Variants in SLC35D2 observed in about 807,000 individuals in gnomAD.
SLC35D2 encodes the protein nucleotide sugar transporter SLC35D2.
A neutral mutation model predicts 41.8 loss-of-function variants in SLC35D2; 43 were observed. The ratio of observed to expected loss-of-function variants is 1.03; its 90% CI spans 0.81 to 1.33. The LOEUF (loss-of-function observed/expected upper bound fraction) is 1.33, where lower values mean the gene tolerates loss of function less well. Ranked by LOEUF, SLC35D2 falls within the 40% of genes most tolerant of loss-of-function variation. The probability of loss-of-function intolerance (pLI) is 0.00; values close to 1 mark genes in which losing one functional copy is unlikely to be tolerated. For synonymous variants in SLC35D2, 150 were observed against 163.9 expected (o/e 0.92, Z 0.65); for missense variants, 380 against 408.4 (o/e 0.93, Z 0.60).
At chr9:96,372,049 T>C (rs1830721608) in intron 1 of SLC35D2, among the ~76,000 whole-genome samples, 1 of 152,210 alleles carries the variant, frequency 6.6e-6, no homozygotes, top group Non-Finnish European at 1.5e-5. Context: ...ATTTCATACA[T>C]GCATGCTATG....
At chr9:96,330,330 C>T (rs1376777411) in intron 9 of SLC35D2, among the ~76,000 whole-genome samples, 1 of 152,188 alleles carries the variant, frequency 6.6e-6, no homozygotes, top group African/African-American at 2.4e-5. Context: ...CACACAGACA[C>T]CTAAAATAAA....
intron 1 of SLC35D2, among the ~76,000 whole-genome samples, chr9:96,371,819 C>T (rs1413176260): frequency 1.4e-5 from 2 of 143,908 alleles, no homozygotes; most frequent in African/African-American, 2.6e-5. Context: ...CTCCGCCTCC[C>T]GGGTTCACGC....
chr9:96,325,753 T>C (rs1828497588), intron 9 of SLC35D2, among the ~76,000 whole-genome samples: 1 of 152,184 alleles, frequency 6.6e-6, no homozygotes, highest in Non-Finnish European at 1.5e-5. Context: ...AACTCAACTC[T>C]AGCAAAGGGG....
At chr9:96,366,462 T>G (rs1204143672) in intron 2 of SLC35D2, among the ~76,000 whole-genome samples, 1 of 151,810 alleles carries the variant, frequency 6.6e-6, no homozygotes. Flanking sequence ...AGCCACTGGG[T>G]TAAAGAGTAA....
At chr9:96,377,957 G>C (rs776711665) in intron 1 of SLC35D2, among the ~76,000 whole-genome samples, 14 of 152,210 alleles carry the variant, frequency 9.2e-5, no homozygotes, top group Non-Finnish European at 1.8e-4. Flanking sequence ...GCTCCATCAA[G>C]GGGGGTGAAG....
intron 4 of SLC35D2, among the ~76,000 whole-genome samples, chr9:96,354,026 A>G (rs1829919322): frequency 6.6e-6 from 1 of 152,240 alleles, no homozygotes; most frequent in African/African-American, 2.4e-5. Flanking sequence ...CTTTATATTC[A>G]CACCTAAAGA....
chr9:96,357,589 T>A (rs768191919), intron 4 of SLC35D2: 2 of 152,156 alleles, frequency 1.3e-5, no homozygotes, highest in Non-Finnish European at 2.9e-5. Context: ...TGAAATGTAT[T>A]AAAGACCTGG....
At chr9:96,367,212 TCA>T (rs1830508846) in intron 2 of SLC35D2, among the ~76,000 whole-genome samples, 1 of 110,680 alleles carries the variant, frequency 9.0e-6, no homozygotes, top group Non-Finnish European at 1.7e-5. Context: ...AGGCTGAGAC[TCA>T]GTCACAAAAA....
intron 6 of SLC35D2, among the ~76,000 whole-genome samples, chr9:96,346,002 C>T (rs1829559433): frequency 6.6e-6 from 1 of 152,228 alleles, no homozygotes. Context: ...GTTTGGGGAT[C>T]TATGACAGGA....
At chr9:96,321,562 G>C (rs1364404746) in intron 11 of SLC35D2, among the ~76,000 whole-genome samples, 1 of 152,152 alleles carries the variant, frequency 6.6e-6, no homozygotes, top group Non-Finnish European at 1.5e-5. Context: ...CAGAACCTCA[G>C]AGAGAAAATA....
chr9:96,343,966 T>G lies in SLC35D2; in HGVS notation c.622A>C (p.Asn208His). ...GTTGGGATAATCATGAAGCAGGCAT[T>G]GTAGAAAAGTACTCCGTATTTCCCT... ...ELGKYGVLFY[N>H]ACFMIIPTLI... The change falls in exon 8 of 12, where the codon AAT (asparagine) becomes CAT (histidine). Residue 208 changes from asparagine (N) to histidine (H), a missense_variant. Coordinates refer to ENST00000253270, the MANE Select transcript of SLC35D2 (RefSeq NM_007001.3). 1.2e-6 allele frequency: 2 copies of G among 1,601,890 alleles called. No homozygotes were observed. The highest frequency in any genetic ancestry group is 1.7e-6 in the Non-Finnish European group (2 of 1,175,632).
chr9:96,315,434 C>CTT (rs35644020), intron 11 of SLC35D2, among the ~76,000 whole-genome samples: 2,999 of 131,946 alleles, frequency 0.023, 147 homozygotes, highest in African/African-American at 0.078. Flanking sequence ...CCTTCACAGA[C>CTT]TTTTTTTTTT....
At chr9:96,339,025 T>G (rs1829183181) in intron 8 of SLC35D2, among the ~76,000 whole-genome samples, 3 of 152,162 alleles carry the variant, frequency 2.0e-5, no homozygotes, top group Non-Finnish European at 4.4e-5. Flanking sequence ...AAATAAAAAC[T>G]CTATATGTGT....
intron 7 of SLC35D2, 27 bp from the exon 8 acceptor site, chr9:96,344,023 C>T: frequency 3.4e-6 from 5 of 1,482,936 alleles, no homozygotes; most frequent in Non-Finnish European, 4.6e-6. Context: ...GTAAAAACCA[C>T]TCAGTTTCAG....
chr9:96,352,158 G>A (rs765537772), intron 4 of SLC35D2, 49 bp from the exon 5 acceptor site: 3 of 1,277,678 alleles, frequency 2.3e-6, no homozygotes, highest in Non-Finnish European at 3.4e-6. Flanking sequence ...TTGGTTGATT[G>A]GTTTTATCTT....
In SLC35D2 at chr9:96,339,692, A is replaced by T. The variant is rs193148572; in HGVS notation, c.685-2908T>A. 7.2e-5 allele frequency among the ~76,000 whole-genome samples: 11 copies of T among 152,314 alleles called. No homozygotes were observed. In the East Asian group the frequency reaches 2.1e-3, roughly 29 times the overall value. ...CTCTATTCATCAACTGTAATATACT[A>T]GATGTACTTTGAACCTATTGCAGTG... On this transcript the variant is annotated intron_variant, in intron 8 of 11. Coordinates refer to ENST00000253270, the MANE Select transcript of SLC35D2 (RefSeq NM_007001.3).
At chr9:96,380,975 C>T (rs181004427) in intron 1 of SLC35D2, among the ~76,000 whole-genome samples, 4 of 152,262 alleles carry the variant, frequency 2.6e-5, no homozygotes, top group Admixed American at 2.6e-4. Context: ...AAAAAATATC[C>T]CAAATCCATC....
intron 9 of SLC35D2, 151 bp from the exon 10 acceptor site, chr9:96,324,320 T>C (rs1828405192): frequency 1.1e-5 from 6 of 569,426 alleles, no homozygotes; most frequent in Middle Eastern, 4.3e-4. Context: ...CATCTTAAGA[T>C]ATGTTGCTAT....
At chr9:96,335,305 TAC>T (rs1185250186) in intron 9 of SLC35D2, among the ~76,000 whole-genome samples, 5 of 152,162 alleles carry the variant, frequency 3.3e-5, no homozygotes, top group Non-Finnish European at 5.9e-5. Flanking sequence ...GGAAGAAAAC[TAC>T]AGTGTGGAGG....
Sources: gnomAD v4.1 joint callset for allele counts (sites outside exome capture counted in the v4.1 genomes callset) on GRCh38, gnomAD v4.1.1 for gene constraint, MANE v1.5 for transcripts, NCBI Gene and HGNC (gene_info 2026-07-23, HGNC 2026-07-21) for gene names.